Variants in METTL15 observed in about 807,000 individuals in gnomAD.
METTL15 encodes the protein methyltransferase 15, mitochondrial 12S rRNA N4-cytidine.
In METTL15, 34 loss-of-function variants were observed where a neutral mutation model predicts 38.3. That is an observed-to-expected ratio of 0.89 (90% CI 0.68 to 1.18). The LOEUF is 1.18. METTL15 is among the 50% of genes most tolerant of loss of function. The pLI, the probability that METTL15 is intolerant of heterozygous loss-of-function variation, is 0.00. For synonymous variants in METTL15, 162 were observed against 170.9 expected (o/e 0.95, Z 0.41); for missense variants, 438 against 498.4 (o/e 0.88, Z 1.15).
At chr11:28,461,105 G>T (rs1851210270) in intron 6 of METTL15, among the ~76,000 whole-genome samples, 1 of 151,992 alleles carries the variant, frequency 6.6e-6, no homozygotes. Context: ...TAATACCAAA[G>T]AAATATTTAT....
In METTL15 at chr11:28,330,850, C is replaced by T; in HGVS notation, c.*9C>T. 1 of 1,514,230 alleles carries T rather than the reference C, an allele frequency of 6.6e-7. No individual in the cohort carries two copies. The highest frequency in any genetic ancestry group is 8.8e-7 in the Non-Finnish European group (1 of 1,132,852). The allele number at this position is 1,514,230 out of a possible 1,614,324, so 93.8% of individuals were successfully genotyped here. On this transcript the variant is annotated 3_prime_UTR_variant, in exon 7 of 7. Transcript: ENST00000407364. ...CAGCTATCAAATTATAAGTTATCAT[C>T]ATCTTATTCTTCAAATTTTTTTCTC...
At chr11:28,530,067 G>A (rs1851835955), downstream of METTL15, among the ~76,000 whole-genome samples, 1 of 152,086 alleles carries the variant, frequency 6.6e-6, no homozygotes, top group South Asian at 2.1e-4. Context: ...TGTCTAAGGG[G>A]AAGGCCAATA....
intron 6 of METTL15, among the ~76,000 whole-genome samples, chr11:28,513,419 G>A (rs1052247591): frequency 6.6e-6 from 1 of 152,192 alleles, no homozygotes; most frequent in African/African-American, 2.4e-5. Flanking sequence ...AAATGGGGAT[G>A]ATTTCTTACA....
At chr11:28,306,812 A>G (rs1857098477) in intron 6 of METTL15, among the ~76,000 whole-genome samples, 1 of 152,032 alleles carries the variant, frequency 6.6e-6, no homozygotes, top group Admixed American at 6.6e-5. Context: ...TAATAATGGA[A>G]GAAAGAGTAG....
At chr11:28,345,898 A>C (rs539955516) in intron 3 of METTL15, among the ~76,000 whole-genome samples, 1 of 152,346 alleles carries the variant, frequency 6.6e-6, no homozygotes, top group South Asian at 2.1e-4. Context: ...TAATCACAGC[A>C]TATATGAGGC....
At chr11:28,422,911 C>T (rs1850833113) in intron 5 of METTL15, among the ~76,000 whole-genome samples, 1 of 151,742 alleles carries the variant, frequency 6.6e-6, no homozygotes, top group Admixed American at 6.6e-5. Flanking sequence ...AAGAAAACAG[C>T]CCATAGAATG....
intron 5 of METTL15, among the ~76,000 whole-genome samples, chr11:28,422,622 C>T (rs1367074582): frequency 1.3e-5 from 2 of 152,030 alleles, no homozygotes; most frequent in Non-Finnish European, 2.9e-5. Context: ...ATACATGATG[C>T]TGTGAAAACT....
At chr11:28,230,292 A>G (rs1853635847) in intron 4 of METTL15, among the ~76,000 whole-genome samples, 1 of 151,898 alleles carries the variant, frequency 6.6e-6, no homozygotes, top group African/African-American at 2.4e-5. Context: ...GTACTATTAT[A>G]TATTTATTCT....
In METTL15 at chr11:28,371,216, T is replaced by G. The variant is rs146625822; in HGVS notation, c.*358+9180T>G. 2.6e-3 allele frequency among the ~76,000 whole-genome samples: 391 copies of G among 152,098 alleles called. 1 individual carries two copies. The highest frequency in any genetic ancestry group is 7.5e-3 in the African/African-American group (310 of 41,556). ...CCATTTTGATTTGATTTTTGAGAAA[T>G]AGGGGTCTTGTTTTATTCTTCTGCT... On this transcript the variant is annotated intron_variant and NMD_transcript_variant, in intron 5 of 7. Coordinates refer to the METTL15 transcript ENST00000532947.
intron 4 of METTL15, among the ~76,000 whole-genome samples, chr11:28,258,242 C>T (rs1855052566): frequency 6.6e-6 from 1 of 152,174 alleles, no homozygotes; most frequent in African/African-American, 2.4e-5. Flanking sequence ...GGGTATCTCT[C>T]TCTGTTCTGA....
intron 4 of METTL15, among the ~76,000 whole-genome samples, chr11:28,243,979 T>C (rs750175544): frequency 1.1e-4 from 16 of 152,208 alleles, no homozygotes; most frequent in Non-Finnish European, 2.2e-4. Flanking sequence ...TAATGACTGA[T>C]GCCTTAGCTG....
chr11:28,374,801 T>C (rs969611906), intron 5 of METTL15, among the ~76,000 whole-genome samples: 1 of 150,720 alleles, frequency 6.6e-6, no homozygotes, highest in Admixed American at 6.7e-5. Flanking sequence ...TGGCTGTGGG[T>C]TTGTCATAGA....
At chr11:28,346,716 A>G (rs1040897351) in intron 3 of METTL15, among the ~76,000 whole-genome samples, 1 of 152,344 alleles carries the variant, frequency 6.6e-6, no homozygotes, top group East Asian at 1.9e-4. Flanking sequence ...GTGTCTTCCT[A>G]CTAAATAGAA....
intron 4 of METTL15, among the ~76,000 whole-genome samples, chr11:28,251,451 A>G (rs1383941849): frequency 1.3e-5 from 2 of 152,068 alleles, no homozygotes; most frequent in East Asian, 3.9e-4. Flanking sequence ...CTAATTTTAT[A>G]TTTGGCTAGG....
chr11:28,380,211 A>C (rs1221194025), intron 5 of METTL15, among the ~76,000 whole-genome samples: 6 of 126,084 alleles, frequency 4.8e-5, no homozygotes, highest in Admixed American at 3.0e-4. Context: ...TCTGTTGCCC[A>C]GGCTGGAGTA....
intron 3 of METTL15, among the ~76,000 whole-genome samples, chr11:28,205,823 A>T (rs1201641218): frequency 6.8e-6 from 1 of 147,724 alleles, no homozygotes; most frequent in East Asian, 2.0e-4. Context: ...ATGGTATCTC[A>T]TTGTGGTTTT....
intron 6 of METTL15, among the ~76,000 whole-genome samples, chr11:28,451,492 G>A (rs976166094): frequency 6.6e-6 from 1 of 152,022 alleles, no homozygotes. Context: ...GGCTGAGGCA[G>A]GAGAATGGCG....
intron 3 of METTL15, among the ~76,000 whole-genome samples, chr11:28,160,571 G>T (rs943272188): frequency 1.2e-4 from 18 of 151,942 alleles, no homozygotes; most frequent in African/African-American, 4.4e-4. Flanking sequence ...TTTTTTGTGT[G>T]ACCCTGGCTT....
chr11:28,382,787 A>G (rs562490557), intron 5 of METTL15, among the ~76,000 whole-genome samples: 82 of 151,940 alleles, frequency 5.4e-4, no homozygotes, highest in Non-Finnish European at 7.9e-4. Flanking sequence ...GTGAGCCAAG[A>G]TAGCGCCACT....
Sources: allele counts gnomAD v4.1 joint callset (sites outside exome capture counted in the v4.1 genomes callset), GRCh38; gene constraint gnomAD v4.1.1; transcripts MANE v1.5; gene names NCBI Gene and HGNC (gene_info 2026-07-23, HGNC 2026-07-21).